The following MUC5B variants were observed in gnomAD, a reference collection of about 807,000 sequenced individuals.
MUC5B encodes the protein mucin 5B, oligomeric mucus/gel-forming.
Under a neutral mutation model 376.9 loss-of-function variants are expected in MUC5B, and 116 were observed. The ratio of observed to expected loss-of-function variants is 0.31; its 90% confidence interval spans 0.26 to 0.36. MUC5B has a LOEUF of 0.36. Ranked by LOEUF, MUC5B falls within the 10% of genes least tolerant of loss-of-function variation. The pLI, the probability that MUC5B is intolerant of heterozygous loss-of-function variation, is 1.00. For synonymous variants in MUC5B, 3,517 were observed against 3,390.9 expected, an observed-to-expected ratio of 1.04 and a Z score of -1.29; for missense variants, 7,165 against 7,769.9, an observed-to-expected ratio of 0.92 and a Z score of 2.93.
chr11:1,238,041 G>A lies in MUC5B; in HGVS notation c.3298-830G>A, dbSNP rs145589558. On this transcript the variant is annotated intron_variant, in intron 25 of 48. Transcript: ENST00000529681. ...GCCCTGAAGCACTCTCATGTCGGCC[G>A]CCGCTTGCCCTCTTGAGAAGGCAGC... 4.8e-3 allele frequency among the ~76,000 whole-genome samples: 733 copies of A among 152,294 alleles called. 2 individuals carry two copies. Among genetic ancestry groups the A allele is most frequent in the Admixed American group, 8.1e-3 (124 of 15,300 alleles).
chr11:1,224,832 C>G (rs1488026439), intron 1 of MUC5B, among the ~76,000 whole-genome samples: 1 of 152,170 alleles, frequency 6.6e-6, no homozygotes, highest in African/African-American at 2.4e-5. Context: ...GGGCCGGCCC[C>G]TCGCTGAGCC....
chr11:1,254,553 C>A, intron 34 of MUC5B, 141 bp from the exon 35 acceptor site: 2 of 1,203,970 alleles, frequency 1.7e-6, no homozygotes, highest in African/African-American at 1.5e-5. Context: ...GACTCCAGGC[C>A]CCCAGGGAAG....
At position 1,243,727 on chromosome 11, in the gene MUC5B, A is replaced by C. The variant is rs1370106101; in HGVS notation, c.6847A>C (p.Thr2283Pro). ...PGHTTATSRT[T>P]ATATPSKTRT... ...CCACACCACGGCCACCTCCAGGACCACAGCCACGGCCACACCCAGCAAGAC... is the reference window on the plus strand; with the variant it reads ...CCACACCACGGCCACCTCCAGGACCCCAGCCACGGCCACACCCAGCAAGAC... The change falls in exon 31 of 49, where the codon ACA (threonine) becomes CCA (proline). Residue 2283 changes from threonine to proline, a missense_variant. By Grantham distance (38) the Thr-to-Pro change is conservative (BLOSUM62 -1). Transcript: ENST00000529681. 6.4e-7 allele frequency: 1 copy of C among 1,561,576 alleles called. No individual in the cohort carries two copies. The highest frequency in any genetic ancestry group is 1.7e-5 in the Admixed American group (1 of 59,682).
At position 1,253,124 on chromosome 11, in the gene MUC5B, A is replaced by G; in HGVS notation, c.15217+144A>G. 5.7e-6 allele frequency: 3 copies of G among 522,502 alleles called. No homozygotes were observed. The highest frequency in any genetic ancestry group is 2.2e-5 in the African/African-American group (1 of 44,686). The allele number at this position is 522,502 out of a possible 1,614,324, so 32.4% of individuals were successfully genotyped here. On this transcript the variant is annotated intron_variant, in intron 33 of 48. Coordinates refer to ENST00000529681, the MANE Select transcript of MUC5B (RefSeq NM_002458.3). The surrounding 1 kb of genome is among the most constrained non-coding windows in gnomAD (Gnocchi z 4.3). ...GGCATGGTGGGGCATGGTGGGGTGC[A>G]GTGGGGCATGGTGGGGCATGGTGGG...
In MUC5B at chr11:1,250,701, C is replaced by T. The variant is rs1862655497; in HGVS notation, c.13821C>T (p.Ser4607=). 6.2e-7 allele frequency: 1 copy of T among 1,612,946 alleles called. No homozygotes were observed. The highest frequency in any genetic ancestry group is 1.7e-5 in the Admixed American group (1 of 59,964). The stretch of plus-strand genomic sequence containing the variant: ...CGGGCTTCACAGCCACCCCCTCCTC[C>T]AGCCCAGGGACGGCACTCACGCCTC... ...TTTGFTATPS[S]SPGTALTPPV... The change falls in exon 31 of 49, where the codon TCC becomes TCT. Residue 4607 remains serine (S), a synonymous_variant. Transcript: ENST00000529681.
intron 18 of MUC5B, 68 bp downstream of exon 18, chr11:1,233,336 G>A (rs1049312787): frequency 5.6e-5 from 80 of 1,438,768 alleles, no homozygotes; most frequent in African/African-American, 7.1e-5. Flanking sequence ...CTCCCCGAAG[G>A]CTTCTGTGCC....
In MUC5B at chr11:1,243,726, C is replaced by T; in HGVS notation, c.6846C>T (p.Thr2282=). The T allele has an allele frequency of 6.4e-7, 1 of 1,562,218 alleles. No individual in the cohort carries two copies. Among genetic ancestry groups the T allele is most frequent in the Non-Finnish European group, 8.8e-7 (1 of 1,139,536 alleles). ...GCCACACCACGGCCACCTCCAGGAC[C>T]ACAGCCACGGCCACACCCAGCAAGA... The part of the protein sequence containing the change: ...TPGHTTATSR[T]TATATPSKTR... Residue 2282 remains threonine, a synonymous_variant, in exon 31 of 49, where the codon ACC becomes ACT. Transcript: ENST00000529681.
chr11:1,231,059 G>C, intron 13 of MUC5B, 54 bp downstream of exon 13: 1 of 1,504,182 alleles, frequency 6.6e-7, no homozygotes, highest in South Asian at 1.2e-5. Context: ...TGCAGGGGCA[G>C]CTCCCACAGC....
In MUC5B at chr11:1,234,642, C is replaced by T; in HGVS notation, c.2592C>T (p.Tyr864=). The change falls in exon 21 of 49, where the codon TAC becomes TAT. Residue 864 remains tyrosine (Y), a synonymous_variant. Coordinates refer to ENST00000529681, the MANE Select transcript of MUC5B (RefSeq NM_002458.3). This position sits in a 1 kb window ranked among gnomAD's most constrained non-coding sequence, Gnocchi z 6.3. ...CCTGTGTGCACAACGAGGCCACCTA[C>T]AAGCCTGGAGAGACCATCAGGGTCG... ...DCPCVHNEAT[Y]KPGETIRVDC... is the part of the protein sequence containing the mutation. 6.4e-7 allele frequency: 1 copy of T among 1,550,546 alleles called. No individual in the cohort carries two copies. Among genetic ancestry groups the T allele is most frequent in the South Asian group, 1.2e-5 (1 of 83,990 alleles).
chr11:1,234,539 A>T lies in MUC5B; in HGVS notation c.2489A>T (p.His830Leu). 1.3e-6 allele frequency: 2 copies of T among 1,581,382 alleles called. No individual in the cohort carries two copies. The highest frequency in any genetic ancestry group is 1.7e-6 in the Non-Finnish European group (2 of 1,164,546). ...HTLDVGCFST[H>L]CVSGCVCPPG... ...GCCTGGGCCCCACAGTTCAGCACAC[A>T]CTGCGTGTCCGGCTGTGTCTGTCCC... Residue 830 changes from histidine (H) to leucine (L), a missense_variant, in exon 21 of 49, where the codon CAC (histidine) becomes CTC (leucine). This residue lies in a region of MUC5B where 530 missense variants were observed against 604.0 expected (regional missense o/e 0.88). Coordinates refer to ENST00000529681, the MANE Select transcript of MUC5B (RefSeq NM_002458.3). The surrounding 1 kb of genome is among the most constrained non-coding windows in gnomAD (Gnocchi z 6.3).
rs775829027 is a variant in MUC5B at position 1,225,706 on chromosome 11, C to G, written c.96C>G (p.Ser32Arg). ...QAETQGPVEPSWENAGHTMDG... is the reference protein window; with the variant it reads ...QAETQGPVEPRWENAGHTMDG... The stretch of plus-strand genomic sequence containing the variant: ...AGACCCAGGGCCCTGTGGAGCCGAG[C>G]TGGGAGAATGCAGGGCACACCATGG... The change falls in exon 2 of 49, where the codon AGC becomes AGG. Residue 32 changes from serine (S) to arginine (R), a missense_variant. Coordinates refer to ENST00000529681, the MANE Select transcript of MUC5B (RefSeq NM_002458.3). 1 of 1,606,000 alleles carries G rather than the reference C, an allele frequency of 6.2e-7. No homozygotes were observed. The highest frequency in any genetic ancestry group is 8.5e-7 in the Non-Finnish European group (1 of 1,176,948).
At chr11:1,225,205 G>A (rs1027674294) in intron 1 of MUC5B, among the ~76,000 whole-genome samples, 5 of 152,264 alleles carry the variant, frequency 3.3e-5, no homozygotes, top group Non-Finnish European at 5.9e-5. Context: ...GCTAAGTCAC[G>A]CCTGGAAGGC....
intron 26 of MUC5B, 106 bp from the exon 27 acceptor site, chr11:1,239,332 T>C: frequency 7.0e-7 from 1 of 1,430,746 alleles, no homozygotes; most frequent in South Asian, 1.4e-5. Context: ...CAAGCCCGGG[T>C]CTGGCTCTGG....
intron 17 of MUC5B, 113 bp from the exon 18 acceptor site, chr11:1,232,900 G>A: frequency 6.8e-7 from 1 of 1,461,040 alleles, no homozygotes; most frequent in East Asian, 2.5e-5. Context: ...AGCCTCGCAA[G>A]AACCTCATGC....
intron 14 of MUC5B, 132 bp downstream of exon 14, chr11:1,231,692 G>T (rs760460354): frequency 8.3e-7 from 1 of 1,200,092 alleles, no homozygotes; most frequent in East Asian, 2.6e-5. Flanking sequence ...GCATGGCGGA[G>T]ATCCTGGTGC....
chr11:1,256,693 G>A lies in MUC5B; in HGVS notation c.16159G>A (p.Gly5387Arg), dbSNP rs780475566. 1.3e-6 allele frequency: 2 copies of A among 1,568,694 alleles called. No individual in the cohort carries two copies. Among genetic ancestry groups the A allele is most frequent in the East Asian group, 2.4e-5 (1 of 42,184 alleles). The part of the protein sequence containing the change: ...NSRNQSPQLE[G>R]MAEGCFCPED... ...CAGGAACCAGAGCCCACAGCTGGAG[G>A]GGATGGCGGAGGGCTGCTTCTGCCC... The change falls in exon 39 of 49, where the codon GGG (glycine) becomes AGG (arginine). Residue 5387 changes from glycine (G) to arginine (R), a missense_variant. Transcript: ENST00000529681.
chr11:1,251,370 A>G lies in MUC5B; in HGVS notation c.14490A>G (p.Ala4830=), dbSNP rs1862686266. ...TGACCACAACAGCCACTACAACTGC[A>G]GCCACTGGATCCACGGCCACCCTGT... ...TELTTTATTT[A]ATGSTATLSS... Residue 4830 remains alanine (A), a synonymous_variant, in exon 31 of 49, where the codon GCA becomes GCG. Transcript: ENST00000529681. The G allele has an allele frequency of 1.9e-6, 3 of 1,606,438 alleles. No individual in the cohort carries two copies. The African/African-American group carries it at 4.0e-5, about 22-fold the overall frequency.
chr11:1,233,456 G>A (rs896932765), intron 18 of MUC5B, among the ~76,000 whole-genome samples, 188 bp downstream of exon 18: 8 of 152,154 alleles, frequency 5.3e-5, no homozygotes, highest in Non-Finnish European at 1.0e-4. Context: ...GCCAGGAGAG[G>A]AGGTGGCCCT....
At chr11:1,226,111 C>T in intron 2 of MUC5B, 94 bp from the exon 3 acceptor site, 1 of 1,317,090 alleles carries the variant, frequency 7.6e-7, no homozygotes, top group East Asian at 2.5e-5. Context: ...TCCCCTTCAA[C>T]TCTGGTGGCT....
Sources: gnomAD v4.1 joint callset for allele counts (sites outside exome capture counted in the v4.1 genomes callset) on GRCh38, gnomAD v4.1.1 for gene constraint, gnomAD v4.1.1 regional missense constraint, Gnocchi (gnomAD v3.1) non-coding constraint, MANE v1.5 for transcripts, NCBI Gene and HGNC (gene_info 2026-07-23, HGNC 2026-07-21) for gene names.